CNKSR3: variants seen among roughly 807,000 people sequenced by gnomAD.
CNKSR3 encodes connector enhancer of kinase suppressor of ras 3.
In CNKSR3, 36 loss-of-function variants were observed where a neutral mutation model predicts 67.7. The observed-to-expected ratio is 0.53, with a 90% confidence interval of 0.41 to 0.70. The LOEUF is 0.70. CNKSR3 is among the 30% of genes least tolerant of loss of function. The pLI, the probability that CNKSR3 is intolerant of heterozygous loss-of-function variation, is 0.00. For missense variants in CNKSR3, 630 were observed against 695.2 expected (o/e 0.91, Z 1.05); for synonymous variants, 281 against 271.4 (o/e 1.04, Z -0.35).
intron 6 of CNKSR3, among the ~76,000 whole-genome samples, chr6:154,429,160 C>T (rs1785314673): frequency 6.6e-6 from 1 of 152,124 alleles, no homozygotes; most frequent in Admixed American, 6.6e-5. Context: ...TTAAATTAAA[C>T]TGTTACAAGA....
intron 3 of CNKSR3, 72 bp downstream of exon 3, chr6:154,442,016 A>G (rs557134860): frequency 9.8e-5 from 136 of 1,382,866 alleles, no homozygotes; most frequent in Admixed American, 2.1e-4. Flanking sequence ...TTCCTAAGAC[A>G]AAGTACAGCT....
At chr6:154,434,855 A>G (rs1276831878) in intron 4 of CNKSR3, among the ~76,000 whole-genome samples, 1 of 152,234 alleles carries the variant, frequency 6.6e-6, no homozygotes, top group African/African-American at 2.4e-5. Context: ...AACTACCATT[A>G]TGGCTCATCC....
In CNKSR3 at chr6:154,479,109, A is replaced by AC. The variant is rs142605303; in HGVS notation, c.53-28852dup. On this transcript the variant is annotated intron_variant, in intron 1 of 12. Transcript: ENST00000607772. Reference sequence around the variant, plus strand: ...TCTGAGCTTTAAAAACACAGCCTATACCCCCCCATCCTTAGAACACCCAAA... The same window carrying AC: ...TCTGAGCTTTAAAAACACAGCCTATACCCCCCCCATCCTTAGAACACCCAAA... Among the ~76,000 whole-genome samples, 181 of 151,634 alleles carry AC rather than the reference A, an allele frequency of 1.2e-3. 1 individual carries two copies. The Middle Eastern group carries it at 0.031, about 26-fold the overall frequency.
intron 1 of CNKSR3, among the ~76,000 whole-genome samples, chr6:154,463,113 CT>C (rs774013751): frequency 0.013 from 1,814 of 140,028 alleles, 18 homozygotes; most frequent in African/African-American, 0.042. Flanking sequence ...TTTTTCTTTC[CT>C]TTTTTTTTTT....
chr6:154,477,482 T>G (rs932103784), intron 1 of CNKSR3, among the ~76,000 whole-genome samples: 8 of 151,852 alleles, frequency 5.3e-5, no homozygotes, highest in African/African-American at 1.9e-4. Context: ...AGCAATTTTT[T>G]TTTTTTTTCT....
intron 1 of CNKSR3, among the ~76,000 whole-genome samples, chr6:154,461,351 GTACT>G (rs1786076378): frequency 6.6e-6 from 1 of 152,188 alleles, no homozygotes; most frequent in African/African-American, 2.4e-5. Context: ...CCATTACTGA[GTACT>G]TACTATGTTT....
At chr6:154,490,679 A>G (rs1786768580) in intron 1 of CNKSR3, among the ~76,000 whole-genome samples, 1 of 152,098 alleles carries the variant, frequency 6.6e-6, no homozygotes, top group Admixed American at 6.6e-5. Flanking sequence ...CTCCAGCCTC[A>G]TCTATTTCCA....
Position 154,410,345 on chromosome 6 carries a change from T to G in CNKSR3, c.1367A>C (p.Lys456Thr), listed in dbSNP as rs1317464505. Residue 456 changes from lysine to threonine, a missense_variant and splice_region_variant, in exon 12 of 13, where the codon AAA (lysine) becomes ACA (threonine). By Grantham distance (78) the Lys-to-Thr change is moderately conservative. This residue lies in a region of CNKSR3 where 308 missense variants were observed against 299.6 expected (regional missense o/e 1.03). Transcript: ENST00000607772. Reference sequence around the variant, plus strand: ...TGGTTTGCTTGGATGAAACGTACCTTTCCTGCCATGACCTCGAGGTCTGGC... The same window carrying G: ...TGGTTTGCTTGGATGAAACGTACCTGTCCTGCCATGACCTCGAGGTCTGGC... ...PFARPRGHGR[K>T]GEDALCRYFS... The G allele has an allele frequency of 6.2e-7, 1 of 1,612,718 alleles. No individual in the cohort carries two copies.
rs775803800 is a variant in CNKSR3 at position 154,442,149 on chromosome 6, A to G, written c.358T>C (p.Phe120Leu). 4.3e-6 allele frequency: 7 copies of G among 1,614,008 alleles called. No homozygotes were observed. In the Admixed American group the frequency reaches 8.3e-5, roughly 19 times the overall value. The change falls in exon 3 of 13, where the codon TTC (phenylalanine) becomes CTC (leucine). Residue 120 changes from phenylalanine to leucine, a missense_variant. Transcript: ENST00000607772. The part of the protein sequence containing the change: ...GNTSRKAPNE[F>L]LTSVVELIGA... ...ATGAGCTCCACCACCGAGGTCAGGA[A>G]CTCATTGGGGGCCTTGCGGGAGGTG...
intron 1 of CNKSR3, among the ~76,000 whole-genome samples, chr6:154,455,033 G>C (rs993043305): frequency 6.6e-6 from 1 of 151,890 alleles, no homozygotes; most frequent in Non-Finnish European, 1.5e-5. Context: ...CTTTGGACGG[G>C]CACAGTGGCT....
At chr6:154,474,412 CAA>C (rs36085826) in intron 1 of CNKSR3, among the ~76,000 whole-genome samples, 6 of 128,228 alleles carry the variant, frequency 4.7e-5, no homozygotes, top group South Asian at 2.5e-4. Context: ...GACTCCGTCT[CAA>C]AAAAAAAAAA....
chr6:154,425,441 A>G lies in CNKSR3; in HGVS notation c.730-2458T>C, dbSNP rs138378741. Reference sequence around the variant, plus strand: ...AGAGCTTGGTACCAAAATTCTGCCCAGGGCAGTAGCTCTTGCCTATCTTCA... The same window carrying G: ...AGAGCTTGGTACCAAAATTCTGCCCGGGGCAGTAGCTCTTGCCTATCTTCA... On this transcript the variant is annotated intron_variant, in intron 7 of 12. Transcript: ENST00000607772. Among the ~76,000 whole-genome samples the G allele has an allele frequency of 7.0e-3, 1,067 of 152,344 alleles. 7 individuals are homozygous for G. Among genetic ancestry groups the G allele is most frequent in the Non-Finnish European group, 7.1e-3 (481 of 68,028 alleles).
At chr6:154,493,486 A>G (rs1786820606) in intron 1 of CNKSR3, among the ~76,000 whole-genome samples, 1 of 152,246 alleles carries the variant, frequency 6.6e-6, no homozygotes, top group Non-Finnish European at 1.5e-5. Flanking sequence ...TAATGAATGC[A>G]CAGTGAATAG....
chr6:154,450,366 C>T lies in CNKSR3; in HGVS notation c.53-108G>A, dbSNP rs914612740. ...TCTCAGCAATCAACAATTATGATGC[C>T]ACTATCTGGTTATCTATGTGAGGCC... On this transcript the variant is annotated intron_variant, in intron 1 of 12. Transcript: ENST00000607772. 15 of 1,143,166 alleles carry T rather than the reference C, an allele frequency of 1.3e-5. No homozygotes were observed. The Middle Eastern group carries it at 8.0e-4, about 61-fold the overall frequency. The allele number at this position is 1,143,166 out of a possible 1,614,324, so 70.8% of individuals were successfully genotyped here.
At chr6:154,461,544 G>A (rs1231350130) in intron 1 of CNKSR3, among the ~76,000 whole-genome samples, 2 of 152,204 alleles carry the variant, frequency 1.3e-5, no homozygotes, top group African/African-American at 2.4e-5. Flanking sequence ...CTTCCCAGCT[G>A]TGTGACCTTG....
intron 12 of CNKSR3, among the ~76,000 whole-genome samples, chr6:154,407,974 T>C (rs533333687): frequency 6.6e-5 from 10 of 152,236 alleles, no homozygotes; most frequent in African/African-American, 2.4e-4. Context: ...CTATATTCTT[T>C]TCAAATATGG....
intron 12 of CNKSR3, among the ~76,000 whole-genome samples, chr6:154,409,417 C>T (rs1325507393): frequency 6.6e-6 from 1 of 152,080 alleles, no homozygotes; most frequent in Non-Finnish European, 1.5e-5. Flanking sequence ...ACTTTGATTA[C>T]AGGGTGAATT....
At chr6:154,416,687 C>T (rs1277443578) in intron 9 of CNKSR3, among the ~76,000 whole-genome samples, 1 of 151,976 alleles carries the variant, frequency 6.6e-6, no homozygotes, top group Non-Finnish European at 1.5e-5. Context: ...GGGTGGGTGC[C>T]CAGGTACAAA....
chr6:154,438,611 G>A (rs948435117), intron 4 of CNKSR3, among the ~76,000 whole-genome samples: 1 of 152,162 alleles, frequency 6.6e-6, no homozygotes, highest in Admixed American at 6.5e-5. Context: ...TAATGGTAGA[G>A]GTAGGATTTG....
Sources: gnomAD v4.1 joint callset for allele counts (sites outside exome capture counted in the v4.1 genomes callset) on GRCh38, gnomAD v4.1.1 for gene constraint, gnomAD v4.1.1 regional missense constraint, MANE v1.5 for transcripts, NCBI Gene and HGNC (gene_info 2026-07-23, HGNC 2026-07-21) for gene names.